The following SPOCK1 variants were observed in gnomAD, a reference collection of about 807,000 sequenced individuals.
SPOCK1 encodes the protein testican-1.
A neutral mutation model predicts 55.3 loss-of-function variants in SPOCK1; 23 were observed. The observed-to-expected ratio is 0.42, with a 90% CI of 0.30 to 0.59. The LOEUF is 0.59. Ranked by LOEUF, SPOCK1 falls within the 20% of genes least tolerant of loss-of-function variation. The probability of loss-of-function intolerance (pLI) is 0.22; values close to 1 mark genes in which losing one functional copy is unlikely to be tolerated. For missense variants in SPOCK1, 499 were observed against 552.5 expected (o/e 0.90, Z 0.97); for synonymous variants, 226 against 221.0 (o/e 1.02, Z -0.20).
chr5:137,005,746 ATATAGC>A (rs1223544177), intron 6 of SPOCK1, among the ~76,000 whole-genome samples: 2 of 152,212 alleles, frequency 1.3e-5, no homozygotes, highest in African/African-American at 4.8e-5. Flanking sequence ...ACAGAGTAAC[ATATAGC>A]TATAGAGAAG....
intron 5 of SPOCK1, among the ~76,000 whole-genome samples, chr5:137,079,544 C>CA (rs1561601655): frequency 6.8e-6 from 1 of 148,004 alleles, no homozygotes; most frequent in African/African-American, 2.6e-5. Context: ...CCCCCCCCCC[C>CA]CGACTTAGTG....
rs147864366 is a variant in SPOCK1, at chr5:137,440,262, A to G, written c.186+58111T>C. On this transcript the variant is annotated intron_variant, in intron 2 of 10. Coordinates refer to ENST00000394945, the MANE Select transcript of SPOCK1 (RefSeq NM_004598.4). ...TTCACAGACATGGAAAAGTTAATAG[A>G]GAGTTGAAAGATAAACTTGAGAAAA... Among the ~76,000 whole-genome samples the G allele has an allele frequency of 1.3e-4, 19 of 144,774 alleles. No individual in the cohort carries two copies. The East Asian group carries it at 4.0e-3, about 30-fold the overall frequency. 95.0% of individuals were successfully genotyped at this position (144,774 alleles called of 152,430 possible).
rs146848192 is a variant in SPOCK1 at position 137,328,827 on chromosome 5, G to A, written c.187-61772C>T. Among the ~76,000 whole-genome samples the A allele has an allele frequency of 8.1e-4, 123 of 152,162 alleles. No individual in the cohort carries two copies. The Middle Eastern group carries it at 0.01, about 13-fold the overall frequency. On this transcript the variant is annotated intron_variant, in intron 2 of 10. Transcript: ENST00000394945. Reference sequence around the variant, plus strand: ...TGCATCACTACTTCTAAACGACATCGTCTCTGTATACCATGGGATCTTTTA... The same window carrying A: ...TGCATCACTACTTCTAAACGACATCATCTCTGTATACCATGGGATCTTTTA...
intron 3 of SPOCK1, among the ~76,000 whole-genome samples, chr5:137,177,859 G>T (rs146679133): frequency 2.0e-5 from 3 of 152,098 alleles, no homozygotes; most frequent in Admixed American, 6.5e-5. Context: ...CAACCAAAAA[G>T]CTTTCCAAGT....
At chr5:137,109,508 C>T (rs1753428007) in intron 5 of SPOCK1, among the ~76,000 whole-genome samples, 1 of 152,138 alleles carries the variant, frequency 6.6e-6, no homozygotes, top group South Asian at 2.1e-4. Flanking sequence ...CCTGAGCAGC[C>T]ACTATAAACG....
At chr5:137,022,661 C>CG (rs1449720411) in intron 6 of SPOCK1, among the ~76,000 whole-genome samples, 1 of 151,824 alleles carries the variant, frequency 6.6e-6, no homozygotes. Context: ...TTTCCCTAAG[C>CG]GAAAAAAAGT....
chr5:137,177,045 T>A (rs78697192), intron 3 of SPOCK1, among the ~76,000 whole-genome samples: 6,536 of 152,276 alleles, frequency 0.043, 473 homozygotes, highest in African/African-American at 0.15. Flanking sequence ...AAACTGGGAC[T>A]GTGCCTTACA....
intron 2 of SPOCK1, among the ~76,000 whole-genome samples, chr5:137,359,976 C>A (rs759931716): frequency 2.7e-4 from 41 of 152,276 alleles, no homozygotes; most frequent in Middle Eastern, 3.4e-3. Flanking sequence ...TGTCCCTGAC[C>A]AATTCCATCT....
chr5:137,067,693 T>A (rs758167361), intron 6 of SPOCK1, 22 bp downstream of exon 6: 4 of 1,607,586 alleles, frequency 2.5e-6, no homozygotes, highest in Non-Finnish European at 3.4e-6. Context: ...CCACGAATTC[T>A]CTGAAGGAAA....
chr5:137,084,729 A>G (rs186059027), intron 5 of SPOCK1, among the ~76,000 whole-genome samples: 1 of 152,262 alleles, frequency 6.6e-6, no homozygotes, highest in East Asian at 1.9e-4. Context: ...AACAAAAAAC[A>G]GAAAAGAAAA....
At chr5:137,149,092 T>A (rs1011577428) in intron 3 of SPOCK1, among the ~76,000 whole-genome samples, 10 of 152,208 alleles carry the variant, frequency 6.6e-5, no homozygotes, top group African/African-American at 9.6e-5. Flanking sequence ...GCGAGCTGCT[T>A]TTAAAGGCAA....
intron 2 of SPOCK1, among the ~76,000 whole-genome samples, chr5:137,414,859 A>T (rs1232645667): frequency 2.6e-5 from 4 of 152,056 alleles, no homozygotes; most frequent in African/African-American, 9.7e-5. Flanking sequence ...AATCCCAAGT[A>T]TGTCCCCGCC....
chr5:137,351,545 TG>T (rs1750678386), intron 2 of SPOCK1, among the ~76,000 whole-genome samples: 1 of 152,062 alleles, frequency 6.6e-6, no homozygotes, highest in African/African-American at 2.4e-5. Context: ...ATTCCCAGAG[TG>T]GGAGAAAACG....
At chr5:137,292,567 T>C (rs899141801) in intron 2 of SPOCK1, among the ~76,000 whole-genome samples, 12 of 150,564 alleles carry the variant, frequency 8.0e-5, no homozygotes, top group Non-Finnish European at 1.5e-4. Flanking sequence ...GAGAAAACAA[T>C]TGTTAGAACG....
At chr5:137,142,548 G>A (rs1202039596) in intron 3 of SPOCK1, among the ~76,000 whole-genome samples, 3 of 152,194 alleles carry the variant, frequency 2.0e-5, no homozygotes. Context: ...ACCTGGTAGA[G>A]TCTACTCCCC....
chr5:136,992,700 C>T lies in SPOCK1; in HGVS notation c.590-100G>A, dbSNP rs951296422. The T allele has an allele frequency of 9.7e-6, 8 of 826,548 alleles. No individual in the cohort carries two copies. In the East Asian group the frequency reaches 2.1e-4, roughly 21 times the overall value. 51.2% of individuals were successfully genotyped at this position (826,548 alleles called of 1,614,324 possible). Reference sequence around the variant, plus strand: ...CCACGTTCAAAGCAAACCTTTCTATCCAACCACGATATAACTGTTACCTCA... The same window carrying T: ...CCACGTTCAAAGCAAACCTTTCTATTCAACCACGATATAACTGTTACCTCA... On this transcript the variant is annotated intron_variant, in intron 6 of 10. Transcript: ENST00000394945.
At chr5:136,984,717 A>G (rs1750805874) in intron 9 of SPOCK1, among the ~76,000 whole-genome samples, 2 of 152,238 alleles carry the variant, frequency 1.3e-5, no homozygotes, top group African/African-American at 4.8e-5. Flanking sequence ...TGTTTGATAA[A>G]TTCTGAAGAG....
intron 2 of SPOCK1, 50 bp from the exon 3 acceptor site, chr5:137,267,105 C>G (rs1313718615): frequency 6.8e-7 from 1 of 1,470,596 alleles, no homozygotes; most frequent in Non-Finnish European, 9.5e-7. Flanking sequence ...AAAAGCTTCT[C>G]ACATAACTGC....
chr5:137,116,138 T>C lies in SPOCK1; in HGVS notation c.348-3577A>G, dbSNP rs114622441. 3.3e-3 allele frequency among the ~76,000 whole-genome samples: 503 copies of C among 152,314 alleles called. 6 individuals carry two copies. Among genetic ancestry groups the C allele is most frequent in the African/African-American group, 0.011 (469 of 41,566 alleles). ...GGCAGCCACATCTCCTGCAGGCTGA[T>C]GGCACCACACACAAAATCCCAACCC... On this transcript the variant is annotated intron_variant, in intron 4 of 10. Coordinates refer to ENST00000394945, the MANE Select transcript of SPOCK1 (RefSeq NM_004598.4).
Sources: gnomAD v4.1 joint callset for allele counts (sites outside exome capture counted in the v4.1 genomes callset) on GRCh38, gnomAD v4.1.1 for gene constraint, MANE v1.5 for transcripts, NCBI Gene and HGNC (gene_info 2026-07-23, HGNC 2026-07-21) for gene names.